BMP6: variants seen among roughly 807,000 people sequenced by gnomAD.
The protein encoded by BMP6 is bone morphogenetic protein 6.
A neutral mutation model predicts 54.1 loss-of-function variants in BMP6; 17 were observed. The ratio of observed to expected loss-of-function variants is 0.31; its 90% CI spans 0.22 to 0.47. The LOEUF is 0.47. Ranked by LOEUF, BMP6 falls within the 20% of genes least tolerant of loss-of-function variation. The pLI, the probability that BMP6 is intolerant of heterozygous loss-of-function variation, is 1.00. For missense variants in BMP6, 720 were observed against 690.4 expected (o/e 1.04, Z -0.48); for synonymous variants, 328 against 291.2 (o/e 1.13, Z -1.28).
intron 1 of BMP6, among the ~76,000 whole-genome samples, chr6:7,829,401 G>A (rs538954808): frequency 3.3e-5 from 5 of 152,006 alleles, no homozygotes; most frequent in African/African-American, 1.2e-4. Flanking sequence ...GATAAGTAAG[G>A]CTCTTAAAAA....
At chr6:7,868,361 C>A (rs2113284680) in intron 4 of BMP6, among the ~76,000 whole-genome samples, 1 of 152,248 alleles carries the variant, frequency 6.6e-6, no homozygotes, top group East Asian at 1.9e-4. Context: ...CACCAGAAAT[C>A]AAAACCCCAG....
intron 1 of BMP6, among the ~76,000 whole-genome samples, chr6:7,797,596 A>C (rs1025196511): frequency 1.3e-5 from 2 of 152,160 alleles, no homozygotes; most frequent in African/African-American, 4.8e-5. Flanking sequence ...ACATTTCATC[A>C]CACCACTGTT....
intron 1 of BMP6, among the ~76,000 whole-genome samples, chr6:7,768,834 T>C (rs981180485): frequency 2.0e-5 from 3 of 152,192 alleles, no homozygotes; most frequent in Non-Finnish European, 4.4e-5. Flanking sequence ...TAACACTTTG[T>C]GGCTTTCTTG....
chr6:7,737,048 C>T (rs908626725), intron 1 of BMP6, among the ~76,000 whole-genome samples: 1 of 152,004 alleles, frequency 6.6e-6, no homozygotes, highest in African/African-American at 2.4e-5. Flanking sequence ...ACTAGCCAGG[C>T]GTGGGAGCAC....
intron 1 of BMP6, among the ~76,000 whole-genome samples, chr6:7,777,131 A>G (rs190603844): frequency 2.4e-4 from 37 of 152,350 alleles, no homozygotes; most frequent in Admixed American, 2.0e-3. Context: ...GCCATGATCT[A>G]GCAAGGATAT....
intron 1 of BMP6, among the ~76,000 whole-genome samples, chr6:7,729,032 A>C (rs1195706331): frequency 6.6e-6 from 1 of 152,152 alleles, no homozygotes; most frequent in Non-Finnish European, 1.5e-5. Context: ...AAATTCGTGA[A>C]ACAGAATCTC....
chr6:7,763,891 G>A (rs970502820), intron 1 of BMP6, among the ~76,000 whole-genome samples: 3 of 152,164 alleles, frequency 2.0e-5, no homozygotes, highest in East Asian at 1.9e-4. Flanking sequence ...GGACTACAAG[G>A]ACCAATATAT....
intron 1 of BMP6, among the ~76,000 whole-genome samples, chr6:7,843,551 A>AT (rs1759012758): frequency 6.6e-6 from 1 of 150,858 alleles, no homozygotes; most frequent in African/African-American, 2.4e-5. Context: ...ATAATTTGAT[A>AT]TTTTTTCTAC....
intron 1 of BMP6, among the ~76,000 whole-genome samples, chr6:7,822,597 C>T (rs1366576708): frequency 6.6e-6 from 1 of 152,114 alleles, no homozygotes; most frequent in Admixed American, 6.5e-5. Flanking sequence ...CTTCCCCTCC[C>T]TCAAGCCCAC....
intron 1 of BMP6, among the ~76,000 whole-genome samples, chr6:7,797,321 A>T (rs1043545287): frequency 6.6e-6 from 1 of 152,192 alleles, no homozygotes; most frequent in Non-Finnish European, 1.5e-5. Flanking sequence ...CACACAAAAC[A>T]TGAGCTGTTA....
At chr6:7,742,633 C>G (rs1323614559) in intron 1 of BMP6, among the ~76,000 whole-genome samples, 2 of 152,026 alleles carry the variant, frequency 1.3e-5, no homozygotes, top group African/African-American at 4.8e-5. Flanking sequence ...GGTTCGTTGC[C>G]CGAAACAGAT....
intron 4 of BMP6, among the ~76,000 whole-genome samples, chr6:7,868,997 C>T (rs1483186951): frequency 1.3e-5 from 2 of 152,244 alleles, no homozygotes; most frequent in East Asian, 1.9e-4. Context: ...CTGTCCTCCT[C>T]TACTGAAGTT....
intron 1 of BMP6, among the ~76,000 whole-genome samples, chr6:7,822,285 G>A (rs1018057484): frequency 5.3e-5 from 8 of 152,220 alleles, no homozygotes; most frequent in African/African-American, 1.9e-4. Flanking sequence ...CTCCCAAAGT[G>A]TTGGGATTAC....
chr6:7,876,872 G>A (rs1354784925), intron 4 of BMP6, among the ~76,000 whole-genome samples: 1 of 150,974 alleles, frequency 6.6e-6, no homozygotes, highest in South Asian at 2.1e-4. Flanking sequence ...CATTATTTTA[G>A]GTATTCTTCC....
intron 1 of BMP6, among the ~76,000 whole-genome samples, chr6:7,767,055 C>T (rs1757703852): frequency 2.0e-5 from 3 of 150,032 alleles, no homozygotes. Flanking sequence ...GGCGCGATCT[C>T]GGTGCACTGC....
At chr6:7,835,952 TC>T (rs1429520799) in intron 1 of BMP6, among the ~76,000 whole-genome samples, 6 of 152,044 alleles carry the variant, frequency 3.9e-5, no homozygotes, top group South Asian at 2.1e-4. Flanking sequence ...TTCTCCTGCC[TC>T]AGCCTCGCGA....
intron 4 of BMP6, among the ~76,000 whole-genome samples, chr6:7,876,222 TGTTAA>T (rs1331964281): frequency 2.6e-5 from 4 of 152,214 alleles, no homozygotes; most frequent in African/African-American, 9.6e-5. Flanking sequence ...TGTGTATTTT[TGTTAA>T]GTTTGCTATC....
At chr6:7,816,614 C>A (rs12530150) in intron 1 of BMP6, among the ~76,000 whole-genome samples, 14,113 of 152,192 alleles carry the variant, frequency 0.093, 777 homozygotes, top group African/African-American at 0.14. Flanking sequence ...AAGCCCCATC[C>A]ATAATTGCTT....
chr6:7,872,116 C>T (rs1485903300), intron 4 of BMP6, among the ~76,000 whole-genome samples: 1 of 152,166 alleles, frequency 6.6e-6, no homozygotes, highest in Non-Finnish European at 1.5e-5. Context: ...ACTGGTGAAT[C>T]CACTGGGGCA....
Sources: allele counts gnomAD v4.1 joint callset (sites outside exome capture counted in the v4.1 genomes callset), GRCh38; gene constraint gnomAD v4.1.1; transcripts MANE v1.5; gene names NCBI Gene and HGNC (gene_info 2026-07-23, HGNC 2026-07-21).